The following PTER variants were observed in gnomAD, a reference collection of about 807,000 sequenced individuals.
PTER encodes the protein N-acetyltaurine hydrolase.
In PTER, 38 loss-of-function variants were observed where a neutral mutation model predicts 29.6. The ratio of observed to expected loss-of-function variants is 1.28; its 90% CI spans 0.99 to 1.68. The LOEUF is 1.68. Ranked by LOEUF, PTER falls within the 40% of genes most tolerant of loss-of-function variation. The probability of loss-of-function intolerance (pLI) is 0.00; values close to 1 mark genes in which losing one functional copy is unlikely to be tolerated. For synonymous variants in PTER, 172 were observed against 154.5 expected (o/e 1.11, Z -0.84); for missense variants, 482 against 427.8 (o/e 1.13, Z -1.12).
rs1836854114 is a variant in PTER, at chr10:16,512,540, C to G, written c.*1284C>G. 6.6e-6 allele frequency: 1 copy of G among 152,060 alleles called. No homozygotes were observed. Among genetic ancestry groups the G allele is most frequent in the African/African-American group, 2.4e-5 (1 of 41,424 alleles). 9.4% of individuals were successfully genotyped at this position (152,060 alleles called of 1,614,324 possible). A position where few individuals can be genotyped will look rare whatever the true frequency, so the allele number is the denominator to read the frequency against. ...ATCATGACAGTTACTCAGACCCAGG[C>G]ATTTCAACAGAGCTAACACCACCTT... On this transcript the variant is annotated 3_prime_UTR_variant, in exon 5 of 5. Coordinates refer to ENST00000535784, the MANE Select transcript of PTER (RefSeq NM_001261836.2).
At chr10:16,463,576 C>T (rs796769225) in intron 1 of PTER, among the ~76,000 whole-genome samples, 24 of 152,172 alleles carry the variant, frequency 1.6e-4, no homozygotes, top group East Asian at 3.9e-4. Flanking sequence ...CCACCATGCC[C>T]GGCTAATTTT....
intron 3 of PTER, among the ~76,000 whole-genome samples, chr10:16,494,438 G>A (rs1037250195): frequency 1.3e-5 from 2 of 152,080 alleles, no homozygotes; most frequent in Admixed American, 6.5e-5. Context: ...AATAAGTGAT[G>A]GGGGGAGATG....
intron 1 of PTER, among the ~76,000 whole-genome samples, chr10:16,473,070 T>G (rs973408975): frequency 2.1e-4 from 32 of 151,766 alleles, no homozygotes; most frequent in African/African-American, 6.8e-4. Context: ...TTAGAGCACA[T>G]TGTACTTTAT....
chr10:16,483,673 C>A (rs570102954), intron 1 of PTER, among the ~76,000 whole-genome samples: 1 of 152,092 alleles, frequency 6.6e-6, no homozygotes, highest in African/African-American at 2.4e-5. Context: ...CATAGGGAAA[C>A]CCCATCTCCT....
chr10:16,471,009 G>T (rs1191877392), intron 1 of PTER, among the ~76,000 whole-genome samples: 1 of 151,972 alleles, frequency 6.6e-6, no homozygotes. Flanking sequence ...CTTGTTCCTG[G>T]TCTGGCTTAA....
chr10:16,446,364 G>T (rs145545891), intron 1 of PTER, among the ~76,000 whole-genome samples: 3 of 151,986 alleles, frequency 2.0e-5, no homozygotes, highest in Non-Finnish European at 4.4e-5. Context: ...GATTAAAGGC[G>T]TGCACCACAA....
At chr10:16,501,026 G>T (rs905460114) in intron 3 of PTER, among the ~76,000 whole-genome samples, 3 of 152,100 alleles carry the variant, frequency 2.0e-5, no homozygotes, top group Admixed American at 6.6e-5. Flanking sequence ...CTGCCTTCCA[G>T]GGTCAAGCGA....
chr10:16,508,935 C>T (rs1836703779), intron 4 of PTER, among the ~76,000 whole-genome samples: 1 of 152,176 alleles, frequency 6.6e-6, no homozygotes, highest in South Asian at 2.1e-4. Context: ...TGCATGAACA[C>T]AGAAGCACGC....
intron 1 of PTER, among the ~76,000 whole-genome samples, chr10:16,474,591 A>G (rs1835186703): frequency 6.6e-6 from 1 of 151,966 alleles, no homozygotes; most frequent in Non-Finnish European, 1.5e-5. Flanking sequence ...TGGCTTACCA[A>G]AAAAAAAGAA....
At chr10:16,470,129 TAGGTTGGA>T (rs1350686192) in intron 1 of PTER, among the ~76,000 whole-genome samples, 1 of 152,168 alleles carries the variant, frequency 6.6e-6, no homozygotes, top group Admixed American at 6.5e-5. Flanking sequence ...TAAGCAGACT[TAGGTTGGA>T]ATTGCAGCCT....
At chr10:16,503,267 C>T (rs552910410) in intron 3 of PTER, among the ~76,000 whole-genome samples, 1 of 151,462 alleles carries the variant, frequency 6.6e-6, no homozygotes, top group Non-Finnish European at 1.5e-5. Flanking sequence ...TGCTCTGTCA[C>T]CCAGGCTGGA....
chr10:16,444,437 G>T (rs565641462), intron 1 of PTER, among the ~76,000 whole-genome samples: 8 of 145,976 alleles, frequency 5.5e-5, no homozygotes, highest in East Asian at 4.0e-4. Context: ...ACCACGCCTG[G>T]TTTTTTTTTT....
intron 3 of PTER, among the ~76,000 whole-genome samples, chr10:16,491,572 C>T (rs1835899461): frequency 6.6e-6 from 1 of 152,146 alleles, no homozygotes; most frequent in Admixed American, 6.6e-5. Flanking sequence ...CGAAACAGAC[C>T]TGCATCCCCA....
intron 1 of PTER, among the ~76,000 whole-genome samples, chr10:16,441,749 G>C (rs1390308967): frequency 6.6e-6 from 1 of 152,198 alleles, no homozygotes; most frequent in East Asian, 1.9e-4. Context: ...TTGTCAGCTG[G>C]CAATGCTAAG....
intron 4 of PTER, among the ~76,000 whole-genome samples, chr10:16,508,235 A>G (rs7072077): frequency 1.5e-4 from 22 of 151,390 alleles, no homozygotes; most frequent in Admixed American, 3.3e-4. Flanking sequence ...CGCCCGGCTA[A>G]TTTTTTGTAT....
rs752273201 is a variant in PTER at position 16,476,902 on chromosome 10, T to TCTCTCTC, written c.-48-7435_-48-7434insCTCTCTC. Among the ~76,000 whole-genome samples the TCTCTCTC allele has an allele frequency of 5.0e-3, 582 of 116,140 alleles. 12 individuals carry two copies. Among genetic ancestry groups the TCTCTCTC allele is most frequent in the African/African-American group, 0.012 (260 of 22,574 alleles). 76.2% of individuals were successfully genotyped at this position (116,140 alleles called of 152,430 possible). On this transcript the variant is annotated intron_variant, in intron 1 of 4. Transcript: ENST00000535784. ...AAACCACCCCTCCATCCTAGAATTC[T>TCTCTCTC]TTTTTTTTTTTTTTTTTTTTTGAGA... is the stretch of plus-strand genomic sequence containing the variant.
At chr10:16,455,455 C>T (rs972716797) in intron 1 of PTER, among the ~76,000 whole-genome samples, 9 of 152,100 alleles carry the variant, frequency 5.9e-5, no homozygotes, top group Admixed American at 5.9e-4. Context: ...CTTTGGGAGA[C>T]CGAGTCAGGA....
chr10:16,482,655 G>A lies in PTER; in HGVS notation c.-48-1682G>A, dbSNP rs890274525. Among the ~76,000 whole-genome samples, 16 of 152,138 alleles carry A rather than the reference G, an allele frequency of 1.1e-4. 1 individual carries two copies. Among genetic ancestry groups the A allele is most frequent in the African/African-American group, 3.9e-4 (16 of 41,422 alleles). On this transcript the variant is annotated intron_variant, in intron 1 of 4. Coordinates refer to ENST00000535784, the MANE Select transcript of PTER (RefSeq NM_001261836.2). ...GTTTGAGAGCTTGGAAACACGTGAT[G>A]CTCCTTTTCTTCAGTTCCCAGAGTC... is the stretch of plus-strand genomic sequence containing the variant.
At chr10:16,497,003 C>T (rs1025912497) in intron 3 of PTER, among the ~76,000 whole-genome samples, 2 of 149,886 alleles carry the variant, frequency 1.3e-5, no homozygotes, top group African/African-American at 2.5e-5. Context: ...TGCGCGATCT[C>T]GGCTCACTGC....
Sources: gnomAD v4.1 joint callset for allele counts (sites outside exome capture counted in the v4.1 genomes callset) on GRCh38, gnomAD v4.1.1 for gene constraint, MANE v1.5 for transcripts, NCBI Gene and HGNC (gene_info 2026-07-23, HGNC 2026-07-21) for gene names.